Variants in P3H1 observed in about 807,000 individuals in gnomAD.
P3H1 encodes prolyl 3-hydroxylase 1, also known as growth suppressor 1.
Under a neutral mutation model 84.0 loss-of-function variants are expected in P3H1, and 69 were observed. That is an observed-to-expected ratio of 0.82 (90% CI 0.68 to 1.00). The LOEUF (loss-of-function observed/expected upper bound fraction) is 1.00, where lower values mean the gene tolerates loss of function less well. Among genes scored for constraint, P3H1 ranks in the 50% least tolerant of loss-of-function variants. The pLI, the probability that P3H1 is intolerant of heterozygous loss-of-function variation, is 0.00. For missense variants in P3H1, 878 were observed against 962.8 expected (o/e 0.91, Z 1.17); for synonymous variants, 366 against 388.8 (o/e 0.94, Z 0.69).
In P3H1 at chr1:42,747,729, G is replaced by A. The variant is rs368979453; in HGVS notation, c.1908C>T (p.Thr636=). ...NFYFTELDAK[T]VTAEVQPQCG... is the part of the protein sequence containing the mutation. Reference sequence around the variant, plus strand: ...AGGACAAGGGAGCACTCACCGTCACGGTCTTGGCATCCAGTTCAGTGAAAT... The same window carrying A: ...AGGACAAGGGAGCACTCACCGTCACAGTCTTGGCATCCAGTTCAGTGAAAT... The change falls in exon 13 of 15, where the codon ACC becomes ACT. Residue 636 remains threonine, a synonymous_variant. Transcript: ENST00000296388. The A allele has an allele frequency of 1.3e-5, 21 of 1,613,986 alleles. No homozygotes were observed. Among genetic ancestry groups the A allele is most frequent in the African/African-American group, 5.3e-5 (4 of 74,924 alleles).
intron 3 of P3H1, 50 bp downstream of exon 3, chr1:42,759,151 T>G: frequency 6.3e-7 from 1 of 1,598,626 alleles, no homozygotes; most frequent in Non-Finnish European, 8.6e-7. Context: ...GATGGTGACC[T>G]TAGAGTCCCA....
At chr1:42,762,174 GA>G in intron 2 of P3H1, 148 bp downstream of exon 2, 1 of 764,390 alleles carries the variant, frequency 1.3e-6, no homozygotes. Flanking sequence ...AGGAGGCCGA[GA>G]CTAGAGGGTC....
intron 2 of P3H1, chr1:42,761,045 C>G (rs1570477231): frequency 6.9e-6 from 1 of 144,254 alleles, no homozygotes; most frequent in East Asian, 2.1e-4. Context: ...AATCTTGGCT[C>G]ACTGCAACCT....
intron 11 of P3H1, 27 bp from the exon 12 acceptor site, chr1:42,748,344 A>C: frequency 1.9e-6 from 3 of 1,543,932 alleles, no homozygotes; most frequent in Non-Finnish European, 1.8e-6. Context: ...ACATGTTAGC[A>C]AGGGAGCACC....
At chr1:42,761,640 C>G (rs1652724230) in intron 2 of P3H1, 4 of 152,284 alleles carry the variant, frequency 2.6e-5, no homozygotes. Flanking sequence ...AATCCCAGCA[C>G]TTTGGGAGCC....
intron 14 of P3H1, 194 bp downstream of exon 14, chr1:42,747,078 C>T: frequency 1.2e-6 from 2 of 1,614,222 alleles, no homozygotes; most frequent in Non-Finnish European, 1.7e-6. Flanking sequence ...CACCTGGATC[C>T]CGTTCACAGC....
At position 42,757,892 on chromosome 1, in the gene P3H1, G is replaced by A. The variant is rs142954359; in HGVS notation, c.971C>T (p.Ala324Val). ...GGGGAAGAAGAGAAGATAGGTCTTG[G>A]CACATTCAACAGCCTGTGTATAATT... ...IGNYTQAVECAKTYLLFFPND... is the reference protein window; with the variant it reads ...IGNYTQAVECVKTYLLFFPND... The change falls in exon 5 of 15, where the codon GCC becomes GTC. Residue 324 changes from alanine (A) to valine (V), a missense_variant. By Grantham distance (64) the Ala-to-Val change is moderately conservative. Transcript: ENST00000296388. 2.0e-5 allele frequency: 33 copies of A among 1,614,100 alleles called. No homozygotes were observed. The African/African-American group carries it at 4.0e-4, about 20-fold the overall frequency.
At chr1:42,758,288 CCTT>C (rs1652512504) in intron 4 of P3H1, among the ~76,000 whole-genome samples, 1 of 152,224 alleles carries the variant, frequency 6.6e-6, no homozygotes, top group African/African-American at 2.4e-5. Flanking sequence ...TGTCTTCCTA[CCTT>C]CTTTTTTCTA....
intron 5 of P3H1, among the ~76,000 whole-genome samples, chr1:42,757,544 A>G (rs949897824): frequency 2.0e-5 from 3 of 152,162 alleles, no homozygotes; most frequent in Admixed American, 6.5e-5. Flanking sequence ...GGACTCAGAG[A>G]ATAGACTTCT....
rs1651787749 is a variant in P3H1, at chr1:42,747,387, C to T, written c.1940G>A (p.Arg647Lys). 6.2e-7 allele frequency: 1 copy of T among 1,611,270 alleles called. No homozygotes were observed. Among genetic ancestry groups the T allele is most frequent in the African/African-American group, 1.3e-5 (1 of 75,012 alleles). The change falls in exon 14 of 15, where the codon AGA becomes AAA. Residue 647 changes from arginine to lysine, a missense_variant. Coordinates refer to ENST00000296388, the MANE Select transcript of P3H1 (RefSeq NM_022356.4). ...VTAEVQPQCG[R>K]AVGFSSGTEN... ...AGTGCCTGAAGAGAATCCCACGGCT[C>T]TTCCACACTGAGGCTGCACCTCTGC... is the stretch of plus-strand genomic sequence containing the variant.
chr1:42,757,791 G>A lies in P3H1; in HGVS notation c.1072C>T (p.Pro358Ser), dbSNP rs150509550. 5.0e-6 allele frequency: 8 copies of A among 1,614,216 alleles called. No individual in the cohort carries two copies. Among genetic ancestry groups the A allele is most frequent in the Non-Finnish European group, 6.8e-6 (8 of 1,180,048 alleles). Residue 358 changes from proline to serine, a missense_variant, in exon 5 of 15, where the codon CCC becomes TCC. By Grantham distance (74) the Pro-to-Ser change is moderately conservative. Transcript: ENST00000296388. ...AGAAGGAAGTCTCTCACCTCACGGG[G>A]GCCGATGGATCTGGTGTGTTCTTCT... ...LGEEHTRSIG[P>S]RESAKEYRQR...
Position 42,747,350 on chromosome 1 carries a change from A to G in P3H1, c.1977T>C (p.His659=), listed in dbSNP as rs1253306261. 2 of 1,610,228 alleles carry G rather than the reference A, an allele frequency of 1.2e-6. No homozygotes were observed. Among genetic ancestry groups the G allele is most frequent in the Non-Finnish European group, 1.7e-6 (2 of 1,177,740 alleles). ...GCCCCCTGGTGACAGCCTTCACTCC[A>G]TGTGGGTTTTCAGTGCCTGAAGAGA... is the stretch of plus-strand genomic sequence containing the variant. ...VGFSSGTENP[H]GVKAVTRGQR... is the part of the protein sequence containing the mutation. Residue 659 remains histidine, a synonymous_variant, in exon 14 of 15, where the codon CAT becomes CAC. Transcript: ENST00000296388.
chr1:42,756,895 C>T (rs935800033), intron 5 of P3H1, among the ~76,000 whole-genome samples: 1 of 152,214 alleles, frequency 6.6e-6, no homozygotes, highest in Non-Finnish European at 1.5e-5. Context: ...GCCAACCTTG[C>T]AGGGTGGCTG....
chr1:42,758,799 C>A (rs1219897997), intron 4 of P3H1, 53 bp downstream of exon 4: 1 of 1,608,122 alleles, frequency 6.2e-7, no homozygotes, highest in Non-Finnish European at 8.5e-7. Flanking sequence ...GCCCACCTTG[C>A]CTTTAGCTTC....
In P3H1 at chr1:42,762,444, G is replaced by A. The variant is rs765431698; in HGVS notation, c.497C>T (p.Ala166Val). Reference sequence around the variant, plus strand: ...AGGATTGCCCACGAAGAAGGTGTGTGCTGCAGCAACAGCTTTCTCCAACTT... The same window carrying A: ...AGGATTGCCCACGAAGAAGGTGTGTACTGCAGCAACAGCTTTCTCCAACTT... ...INKLEKAVAA[A>V]HTFFVGNPEH... Residue 166 changes from alanine (A) to valine (V), a missense_variant, in exon 2 of 15, where the codon GCA becomes GTA. Coordinates refer to ENST00000296388, the MANE Select transcript of P3H1 (RefSeq NM_022356.4). 1.2e-6 allele frequency: 2 copies of A among 1,614,138 alleles called. No homozygotes were observed. The highest frequency in any genetic ancestry group is 1.1e-5 in the South Asian group (1 of 91,080).
chr1:42,765,252 C>A (rs1010069928), intron 1 of P3H1, among the ~76,000 whole-genome samples: 5 of 152,226 alleles, frequency 3.3e-5, no homozygotes, highest in African/African-American at 9.6e-5. Flanking sequence ...TCTGGAGGAG[C>A]CTTCTTTCCT....
At chr1:42,747,015 C>T in intron 14 of P3H1, 163 bp from the exon 15 acceptor site, 7 of 1,614,092 alleles carry the variant, frequency 4.3e-6, no homozygotes, top group Non-Finnish European at 5.1e-6. Flanking sequence ...TGAAGTGGGG[C>T]CCAAGGAGGG....
Position 42,766,650 on chromosome 1 carries a change from T to G in P3H1, c.322A>C (p.Ser108Arg). Reference sequence around the variant, plus strand: ...CGACGCAGAAGGCCCCCGAAGAAGCTCAGGTCGCGCAGGGCGGCGGCGCCC... The same window carrying G: ...CGACGCAGAAGGCCCCCGAAGAAGCGCAGGTCGCGCAGGGCGGCGGCGCCC... ...ASGAAALRDL[S>R]FFGGLLRRAA... Residue 108 changes from serine to arginine, a missense_variant, in exon 1 of 15, where the codon AGC becomes CGC. Transcript: ENST00000296388. 6.4e-7 allele frequency: 1 copy of G among 1,570,356 alleles called. No homozygotes were observed. Among genetic ancestry groups the G allele is most frequent in the Non-Finnish European group, 8.6e-7 (1 of 1,158,116 alleles).
chr1:42,752,547 C>T lies in P3H1; in HGVS notation c.1463G>A (p.Arg488Lys). ...CTGGGCTTCCCTTACATTGGTCAGT[C>T]TCTGCAGCTCCTGACACTCGTGGTC... ...ISDHECQELQ[R>K]LTNVAATSGD... is the part of the protein sequence containing the mutation. Residue 488 changes from arginine to lysine, a missense_variant, in exon 9 of 15, where the codon AGA becomes AAA. Transcript: ENST00000296388. 6.2e-7 allele frequency: 1 copy of T among 1,614,144 alleles called. No individual in the cohort carries two copies. The highest frequency in any genetic ancestry group is 2.2e-5 in the East Asian group (1 of 44,884).
Sources: gnomAD v4.1 joint callset for allele counts (sites outside exome capture counted in the v4.1 genomes callset) on GRCh38, gnomAD v4.1.1 for gene constraint, MANE v1.5 for transcripts, NCBI Gene and HGNC (gene_info 2026-07-23, HGNC 2026-07-21) for gene names.